Variants in ACOT11 observed in about 807,000 individuals in gnomAD.
ACOT11 encodes acyl-CoA thioesterase 11.
Under a neutral mutation model 77.5 loss-of-function variants are expected in ACOT11, and 69 were observed. The ratio of observed to expected loss-of-function variants is 0.89; its 90% CI spans 0.73 to 1.09. ACOT11 has a LOEUF of 1.09. Among genes scored for constraint, ACOT11 ranks in the 50% least tolerant of loss-of-function variants. The probability of loss-of-function intolerance (pLI) is 0.00; values close to 1 mark genes in which losing one functional copy is unlikely to be tolerated. For synonymous variants in ACOT11, 279 were observed against 313.0 expected, an observed-to-expected ratio of 0.89 and a Z score of 1.15; for missense variants, 766 against 813.7, an observed-to-expected ratio of 0.94 and a Z score of 0.71.
In ACOT11 at chr1:54,608,962, C is replaced by A; in HGVS notation, c.1635C>A (p.Ser545=). 6.2e-7 allele frequency: 1 copy of A among 1,613,944 alleles called. No homozygotes were observed. Among genetic ancestry groups the A allele is most frequent in the Non-Finnish European group, 8.5e-7 (1 of 1,179,890 alleles). Residue 545 remains serine (S), a synonymous_variant, in exon 16 of 16, where the codon TCC becomes TCA. Transcript: ENST00000343744. The part of the protein sequence containing the change: ...WREGDQLTKV[S]YYNQATPGVL... ...CTTGGCTTCCCACCCTGCAGGTATCCTACTACAACCAGGCCACCCCAGGTG... is the reference window on the plus strand; with the variant it reads ...CTTGGCTTCCCACCCTGCAGGTATCATACTACAACCAGGCCACCCCAGGTG...
chr1:54,604,372 C>G lies in ACOT11; in HGVS notation c.1179C>G (p.Ser393=). 2 of 1,614,062 alleles carry G rather than the reference C, an allele frequency of 1.2e-6. No individual in the cohort carries two copies. The highest frequency in any genetic ancestry group is 1.7e-6 in the Non-Finnish European group (2 of 1,180,010). Residue 393 remains serine (S), a synonymous_variant, in exon 12 of 16, where the codon TCC becomes TCG. Coordinates refer to ENST00000343744, the MANE Select transcript of ACOT11 (RefSeq NM_147161.4). ...NQVYLSYNNV[S]SLKMLVAKDN... ...TGTACCTGAGCTACAATAACGTCTC[C>G]TCCTTGAAGATGCTTGTGGCCAAGG...
chr1:54,625,239 C>T (rs1644264925), intron 15 of ACOT11, among the ~76,000 whole-genome samples: 1 of 152,194 alleles, frequency 6.6e-6, no homozygotes, highest in African/African-American at 2.4e-5. Context: ...GCTTCTGGCT[C>T]ATTCTCCAAA....
intron 15 of ACOT11, chr1:54,619,810 C>CT (rs1644210827): frequency 6.3e-7 from 1 of 1,581,478 alleles, no homozygotes; most frequent in Non-Finnish European, 8.6e-7. Flanking sequence ...TTCTCTCCCT[C>CT]TGTCTTCTCT....
chr1:54,589,729 C>T lies in ACOT11; in HGVS notation c.312-2817C>T, dbSNP rs569567147. Among the ~76,000 whole-genome samples the T allele has an allele frequency of 9.2e-5, 14 of 152,226 alleles. 1 individual carries two copies. In the South Asian group the frequency reaches 2.7e-3, roughly 29 times the overall value. ...CTCAAATTCCTAGCTTCAAGTGATC[C>T]TCCCACCTCTGCCTTCTAAAGCATT... On this transcript the variant is annotated intron_variant, in intron 3 of 15. Coordinates refer to ENST00000343744, the MANE Select transcript of ACOT11 (RefSeq NM_147161.4).
chr1:54,608,061 T>A lies in ACOT11; in HGVS notation c.1622T>A (p.Leu541Gln), dbSNP rs773946721. Reference protein sequence around the residue: ...GFCLWREGDQLTKVSYYNQAT... With the variant: ...GFCLWREGDQQTKVSYYNQAT... ...TGCCTCTGGCGCGAGGGGGACCAGCTGACCAAGGTGAGGCCGGTCCCCCCA... is the reference window on the plus strand; with the variant it reads ...TGCCTCTGGCGCGAGGGGGACCAGCAGACCAAGGTGAGGCCGGTCCCCCCA... The change falls in exon 15 of 16, where the codon CTG becomes CAG. Residue 541 changes from leucine (L) to glutamine (Q), a missense_variant. Leu to Gln is a moderately radical substitution (Grantham distance 113). Coordinates refer to ENST00000343744, the MANE Select transcript of ACOT11 (RefSeq NM_147161.4). 27 of 1,610,408 alleles carry A rather than the reference T, an allele frequency of 1.7e-5. No individual in the cohort carries two copies. The highest frequency in any genetic ancestry group is 2.3e-5 in the Non-Finnish European group (27 of 1,178,732).
At chr1:54,565,707 G>T (rs573793330) in intron 1 of ACOT11, among the ~76,000 whole-genome samples, 1 of 152,282 alleles carries the variant, frequency 6.6e-6, no homozygotes, top group South Asian at 2.1e-4. Flanking sequence ...TTGAGCTTCT[G>T]CAAAGGCAAT....
intron 1 of ACOT11, among the ~76,000 whole-genome samples, chr1:54,555,813 C>T (rs12098157): frequency 0.012 from 1,818 of 151,824 alleles, 30 homozygotes; most frequent in African/African-American, 0.041. Context: ...GGCATGATCT[C>T]GGCTCACTGC....
Position 54,585,610 on chromosome 1 carries a change from A to G in ACOT11, c.242-225A>G, listed in dbSNP as rs1041183997. Among the ~76,000 whole-genome samples the G allele has an allele frequency of 4.6e-5, 7 of 152,192 alleles. No individual in the cohort carries two copies. The East Asian group carries it at 7.7e-4, about 17-fold the overall frequency. ...AATCCTTGTCCTCAAGTAATTTACAATCTAGTGGGAGGGAGAGACAGTAGA... is the reference window on the plus strand; with the variant it reads ...AATCCTTGTCCTCAAGTAATTTACAGTCTAGTGGGAGGGAGAGACAGTAGA... On this transcript the variant is annotated intron_variant, in intron 2 of 15. Coordinates refer to ENST00000343744, the MANE Select transcript of ACOT11 (RefSeq NM_147161.4).
At chr1:54,562,252 C>T (rs1466701921) in intron 1 of ACOT11, among the ~76,000 whole-genome samples, 10 of 113,596 alleles carry the variant, frequency 8.8e-5, no homozygotes, top group East Asian at 2.8e-4. Context: ...GACGGGGCGG[C>T]TGGCCAGGCG....
In ACOT11 at chr1:54,597,355, G is replaced by A; in HGVS notation, c.704G>A (p.Gly235Asp). The change falls in exon 7 of 16, where the codon GGC (glycine) becomes GAC (aspartate). Residue 235 changes from glycine to aspartate, a missense_variant. By Grantham distance (94) the Gly-to-Asp change is moderately conservative. Coordinates refer to ENST00000343744, the MANE Select transcript of ACOT11 (RefSeq NM_147161.4). ...LVLPPHANHQ[G>D]NTFGGQIMAW... ...CTGCCTCCCCACGCCAATCACCAGG[G>A]CAACACCTTTGGGGGCCAGATCATG... is the stretch of plus-strand genomic sequence containing the variant. 1 of 1,613,922 alleles carries A rather than the reference G, an allele frequency of 6.2e-7. No homozygotes were observed.
intron 15 of ACOT11, chr1:54,616,016 T>G (rs1644169125): frequency 6.2e-7 from 1 of 1,613,300 alleles, no homozygotes; most frequent in Non-Finnish European, 8.5e-7. Flanking sequence ...AGAGAGGCCC[T>G]TACCCTTTTG....
intron 3 of ACOT11, 92 bp downstream of exon 3, chr1:54,585,996 G>A: frequency 3.0e-6 from 4 of 1,352,814 alleles, no homozygotes; most frequent in Non-Finnish European, 4.1e-6. Context: ...CAGCGTCTGT[G>A]CTGCCTAGAG....
At chr1:54,592,959 G>A (rs1654764753) in intron 4 of ACOT11, among the ~76,000 whole-genome samples, 1 of 152,194 alleles carries the variant, frequency 6.6e-6, no homozygotes, top group African/African-American at 2.4e-5. Context: ...GCCTGATCTT[G>A]GAGGAGGAGC....
chr1:54,565,532 G>A (rs534573572), intron 1 of ACOT11, among the ~76,000 whole-genome samples: 7 of 152,278 alleles, frequency 4.6e-5, no homozygotes, highest in African/African-American at 1.7e-4. Context: ...GAGTGCATGG[G>A]TGGCCCTTTC....
At chr1:54,595,947 C>G (rs1321849920) in intron 6 of ACOT11, among the ~76,000 whole-genome samples, 2 of 152,204 alleles carry the variant, frequency 1.3e-5, no homozygotes, top group Non-Finnish European at 2.9e-5. Flanking sequence ...GCCCTGAGTT[C>G]CATGTGCCCT....
At chr1:54,633,731 G>T (rs1335040761) in intron 16 of ACOT11, among the ~76,000 whole-genome samples, 1 of 152,192 alleles carries the variant, frequency 6.6e-6, no homozygotes, top group Non-Finnish European at 1.5e-5. Context: ...ATTACTAGGG[G>T]ATATTAATTG....
At chr1:54,615,881 A>G (rs971110946) in intron 15 of ACOT11, 5 of 854,716 alleles carry the variant, frequency 5.8e-6, no homozygotes, top group African/African-American at 5.0e-5. Flanking sequence ...CTGGGCATCT[A>G]TAACATTGTG....
chr1:54,626,749 G>T lies in ACOT11; in HGVS notation c.1630-3985G>T, dbSNP rs1644274937. 1.5e-5 allele frequency among the ~76,000 whole-genome samples: 2 copies of T among 135,442 alleles called. 1 individual carries two copies. Among genetic ancestry groups the T allele is most frequent in the Non-Finnish European group, 3.4e-5 (2 of 59,640 alleles). 88.9% of individuals were successfully genotyped at this position (135,442 alleles called of 152,430 possible). ...AATCTATTTTTGAAAGAAAAATCAAGAACTTAGTTCTTACGGTCCATGAGG... is the reference window on the plus strand; with the variant it reads ...AATCTATTTTTGAAAGAAAAATCAATAACTTAGTTCTTACGGTCCATGAGG... On this transcript the variant is annotated intron_variant, in intron 15 of 16. Coordinates refer to the ACOT11 transcript ENST00000371316.
chr1:54,548,748 G>C (rs1652961426), intron 1 of ACOT11: 3 of 244,938 alleles, frequency 1.2e-5, no homozygotes, highest in African/African-American at 6.9e-5. Flanking sequence ...GAGTGACAGG[G>C]TGTGAGGTAT....
Sources: allele counts gnomAD v4.1 joint callset (sites outside exome capture counted in the v4.1 genomes callset), GRCh38; gene constraint gnomAD v4.1.1; transcripts MANE v1.5; gene names NCBI Gene and HGNC (gene_info 2026-07-23, HGNC 2026-07-21).